The following CD247 variants were observed in gnomAD, a reference collection of about 807,000 sequenced individuals.
CD247 encodes T-cell surface glycoprotein CD3 zeta chain.
A neutral mutation model predicts 30.0 loss-of-function variants in CD247; 13 were observed. That is an observed-to-expected ratio of 0.43 (90% confidence interval 0.28 to 0.69). CD247 has a LOEUF of 0.69. Ranked by LOEUF, CD247 falls within the 30% of genes least tolerant of loss-of-function variation. CD247 has a pLI of 0.16. For missense variants in CD247, 193 were observed against 212.6 expected (o/e 0.91, Z 0.57); for synonymous variants, 72 against 80.0 (o/e 0.90, Z 0.53).
intron 4 of CD247, among the ~76,000 whole-genome samples, chr1:167,437,417 G>C (rs762923838): frequency 7.2e-6 from 1 of 139,302 alleles, no homozygotes; most frequent in African/African-American, 2.6e-5. Context: ...AAAAAAAAAA[G>C]AAAACAAAAC....
chr1:167,487,609 A>C (rs1336263784), intron 1 of CD247, among the ~76,000 whole-genome samples: 1 of 152,240 alleles, frequency 6.6e-6, no homozygotes, highest in African/African-American at 2.4e-5. Context: ...TCAGTCTATG[A>C]GGCAGGCACA....
chr1:167,446,534 C>T (rs1266784670), intron 1 of CD247, among the ~76,000 whole-genome samples: 1 of 152,086 alleles, frequency 6.6e-6, no homozygotes, highest in East Asian at 1.9e-4. Flanking sequence ...TGTGGGGTGC[C>T]CTGCACAGTG....
At chr1:167,448,933 C>G (rs1344421145) in intron 1 of CD247, among the ~76,000 whole-genome samples, 1 of 152,088 alleles carries the variant, frequency 6.6e-6, no homozygotes, top group East Asian at 1.9e-4. Context: ...TGTCAGATTT[C>G]AAATATTCAT....
intron 1 of CD247, among the ~76,000 whole-genome samples, chr1:167,507,714 T>C (rs936497861): frequency 2.6e-5 from 4 of 151,928 alleles, no homozygotes; most frequent in Admixed American, 2.6e-4. Context: ...TGCACCCCTA[T>C]GGTTCCAATG....
At chr1:167,490,171 A>C (rs1654385451) in intron 1 of CD247, among the ~76,000 whole-genome samples, 1 of 152,202 alleles carries the variant, frequency 6.6e-6, no homozygotes. Flanking sequence ...GATCGGGTGC[A>C]TTTGGAAGGC....
intron 1 of CD247, among the ~76,000 whole-genome samples, chr1:167,490,571 C>T (rs1371917155): frequency 1.4e-4 from 21 of 151,878 alleles, no homozygotes; most frequent in Admixed American, 1.4e-3. Context: ...TGCAGCGAGC[C>T]GAGATCGCGC....
At chr1:167,512,287 C>T (rs1414110943) in intron 1 of CD247, among the ~76,000 whole-genome samples, 1 of 152,026 alleles carries the variant, frequency 6.6e-6, no homozygotes, top group South Asian at 2.1e-4. Context: ...GAGGCTCCCA[C>T]TTAGAATGTT....
chr1:167,465,833 A>G lies in CD247; in HGVS notation c.59-25066T>C, dbSNP rs148193705. Among the ~76,000 whole-genome samples, 84 of 152,342 alleles carry G rather than the reference A, an allele frequency of 5.5e-4. No individual in the cohort carries two copies. The Middle Eastern group carries it at 0.01, about 19-fold the overall frequency. On this transcript the variant is annotated intron_variant, in intron 1 of 7. Transcript: ENST00000362089. ...ATTGATGACTGGCCATGCCCCCTCCATATTTCTCTGGCTACAGTTAAAGCA... is the reference window on the plus strand; with the variant it reads ...ATTGATGACTGGCCATGCCCCCTCCGTATTTCTCTGGCTACAGTTAAAGCA...
At chr1:167,451,266 C>T (rs1652341582) in intron 1 of CD247, among the ~76,000 whole-genome samples, 1 of 152,294 alleles carries the variant, frequency 6.6e-6, no homozygotes, top group South Asian at 2.1e-4. Context: ...AGGGTTTTCT[C>T]TTTTGACAAG....
At chr1:167,439,478 C>G in intron 2 of CD247, 78 bp from the exon 3 acceptor site, 1 of 1,293,428 alleles carries the variant, frequency 7.7e-7, no homozygotes, top group Non-Finnish European at 1.1e-6. Flanking sequence ...CGCGCGGCGA[C>G]CCGAGGGACA....
rs761279615 is a variant in CD247, at chr1:167,483,017, T to TTCTTTCTTTCTTTC, written c.58+35390_58+35391insGAAAGAAAGAAAGA. On this transcript the variant is annotated intron_variant, in intron 1 of 7. Coordinates refer to ENST00000362089, the MANE Select transcript of CD247 (RefSeq NM_198053.3). ...TATTCTTTCTTTCTTTCTTTCTTTTTTTTTTTTTGAGACTGAGTTTCGCTG... is the reference window on the plus strand; with the variant it reads ...TATTCTTTCTTTCTTTCTTTCTTTTTTCTTTCTTTCTTTCTTTTTTTTGAGACTGAGTTTCGCTG... 6.0e-5 allele frequency among the ~76,000 whole-genome samples: 8 copies of TTCTTTCTTTCTTTC among 133,404 alleles called. No homozygotes were observed. In the South Asian group the frequency reaches 8.0e-4, roughly 13 times the overall value. The allele number at this position is 133,404 out of a possible 152,430, so 87.5% of individuals were successfully genotyped here. A position where few individuals can be genotyped will look rare whatever the true frequency, so the allele number is the denominator to read the frequency against.
chr1:167,439,489 G>T, intron 2 of CD247, 89 bp from the exon 3 acceptor site: 1 of 1,113,842 alleles, frequency 9.0e-7, no homozygotes, highest in Non-Finnish European at 1.4e-6. Flanking sequence ...CCGAGGGACA[G>T]CCCTACTCCG....
intron 1 of CD247, among the ~76,000 whole-genome samples, chr1:167,471,003 C>G (rs775831211): frequency 6.6e-6 from 1 of 151,814 alleles, no homozygotes; most frequent in Non-Finnish European, 1.5e-5. Flanking sequence ...TCCCGAGTAG[C>G]TGGGACTACA....
intron 1 of CD247, among the ~76,000 whole-genome samples, chr1:167,474,604 C>T (rs1338264413): frequency 6.6e-6 from 1 of 152,074 alleles, no homozygotes; most frequent in Admixed American, 6.6e-5. Flanking sequence ...AAATGGGACA[C>T]CTTGGCCCGC....
In CD247 at chr1:167,494,111, A is replaced by C. The variant is rs2102084381; in HGVS notation, c.58+24297T>G. Among the ~76,000 whole-genome samples, 1 of 152,096 alleles carries C rather than the reference A, an allele frequency of 6.6e-6. No homozygotes were observed. Among genetic ancestry groups the C allele is most frequent in the South Asian group, 2.1e-4 (1 of 4,808 alleles). On this transcript the variant is annotated intron_variant, in intron 1 of 7. Coordinates refer to ENST00000362089, the MANE Select transcript of CD247 (RefSeq NM_198053.3). This position sits in a 1 kb window ranked among gnomAD's most constrained non-coding sequence, Gnocchi z 7.3. ...TGATCTGGACTGGGTACCCAGAGCT[A>C]ATAGGAGAAGAGGACAAGCAGGGGG... is the stretch of plus-strand genomic sequence containing the variant.
chr1:167,488,337 G>C (rs985705797), intron 1 of CD247, among the ~76,000 whole-genome samples: 1 of 152,234 alleles, frequency 6.6e-6, no homozygotes, highest in Non-Finnish European at 1.5e-5. Context: ...TGTCATGATA[G>C]GTAGAAGGAT....
At chr1:167,446,982 G>A (rs550202960) in intron 1 of CD247, among the ~76,000 whole-genome samples, 1 of 152,262 alleles carries the variant, frequency 6.6e-6, no homozygotes, top group South Asian at 2.1e-4. Context: ...ACAACAGAGT[G>A]GGACTCCGTC....
chr1:167,516,370 C>A (rs1056203515), intron 1 of CD247, among the ~76,000 whole-genome samples: 9 of 152,242 alleles, frequency 5.9e-5, no homozygotes, highest in African/African-American at 2.2e-4. Context: ...TGTGGACAGA[C>A]CAGGTCATCA....
chr1:167,455,071 G>C (rs1652573309), intron 1 of CD247, among the ~76,000 whole-genome samples: 1 of 152,216 alleles, frequency 6.6e-6, no homozygotes, highest in Non-Finnish European at 1.5e-5. Flanking sequence ...CTCCCGCTGC[G>C]GGCCGCCCGC....
Sources: allele counts gnomAD v4.1 joint callset (sites outside exome capture counted in the v4.1 genomes callset), GRCh38; gene constraint gnomAD v4.1.1; non-coding constraint Gnocchi (gnomAD v3.1); transcripts MANE v1.5; gene names NCBI Gene and HGNC (gene_info 2026-07-23, HGNC 2026-07-21).